MYOCD: variants seen among roughly 807,000 people sequenced by gnomAD.
MYOCD encodes the protein myocardin.
A neutral mutation model predicts 96.1 loss-of-function variants in MYOCD; 32 were observed. The observed-to-expected ratio is 0.33, with a 90% CI of 0.25 to 0.45. The LOEUF (loss-of-function observed/expected upper bound fraction) is 0.45. Ranked by LOEUF, MYOCD falls within the 20% of genes least tolerant of loss-of-function variation. MYOCD has a pLI of 1.00. For synonymous variants in MYOCD, 469 were observed against 469.0 expected, an observed-to-expected ratio of 1.00 and a Z score of 0.00; for missense variants, 1,133 against 1,200.6, an observed-to-expected ratio of 0.94 and a Z score of 0.83.
intron 1 of MYOCD, among the ~76,000 whole-genome samples, chr17:12,691,947 C>T (rs1169257907): frequency 6.6e-6 from 1 of 152,194 alleles, no homozygotes; most frequent in Non-Finnish European, 1.5e-5. Flanking sequence ...GTCCCCAAGA[C>T]TGGCACTTTT....
chr17:12,702,899 G>C (rs1374144894), intron 1 of MYOCD, among the ~76,000 whole-genome samples: 1 of 151,814 alleles, frequency 6.6e-6, no homozygotes, highest in East Asian at 1.9e-4. Flanking sequence ...TTATAAAGTT[G>C]TATATGTTTA....
Position 12,705,114 on chromosome 17 carries a change from C to T in MYOCD, c.56-14C>T, listed in dbSNP as rs2031236225. 1.3e-6 allele frequency: 2 copies of T among 1,598,446 alleles called. No homozygotes were observed. The highest frequency in any genetic ancestry group is 1.3e-5 in the African/African-American group (1 of 74,518). On this transcript the variant is annotated splice_polypyrimidine_tract_variant and intron_variant, in intron 1 of 13. Transcript: ENST00000425538. ...ATTTAGCCCAACTCACAAACTAACA[C>T]TCCCTTTTCTAAGTTTTACAGTTAA...
intron 9 of MYOCD, among the ~76,000 whole-genome samples, chr17:12,751,960 C>T (rs971695350): frequency 1.4e-4 from 21 of 152,146 alleles, no homozygotes; most frequent in Non-Finnish European, 1.9e-4. Flanking sequence ...GTGGTTCTGG[C>T]GCATGTTCAG....
At chr17:12,679,021 C>G (rs1233684558) in intron 1 of MYOCD, among the ~76,000 whole-genome samples, 1 of 152,056 alleles carries the variant, frequency 6.6e-6, no homozygotes, top group Non-Finnish European at 1.5e-5. Context: ...GAAATTGGCT[C>G]AAGGTCACCC....
chr17:12,692,927 G>C (rs1479646262), intron 1 of MYOCD, among the ~76,000 whole-genome samples: 1 of 152,112 alleles, frequency 6.6e-6, no homozygotes, highest in African/African-American at 2.4e-5. Context: ...GCATTAGTGA[G>C]TTTATCACTT....
chr17:12,692,302 C>T (rs1463038952), intron 1 of MYOCD, among the ~76,000 whole-genome samples: 4 of 152,304 alleles, frequency 2.6e-5, no homozygotes, highest in African/African-American at 9.6e-5. Context: ...TAGATTCTGC[C>T]ATCCAGAAAA....
intron 9 of MYOCD, among the ~76,000 whole-genome samples, chr17:12,751,593 CA>C (rs1426304081): frequency 2.0e-5 from 3 of 152,110 alleles, no homozygotes; most frequent in Non-Finnish European, 4.4e-5. Context: ...AACAATTTGC[CA>C]GGCACTATTC....
At position 12,766,830 on chromosome 17, in the gene MYOCD, T is replaced by A. The variant is rs1350809129; in HGVS notation, c.*3186T>A. On this transcript the variant is annotated 3_prime_UTR_variant, in exon 14 of 14. Coordinates refer to ENST00000425538, the MANE Select transcript of MYOCD (RefSeq NM_001146312.3). The stretch of plus-strand genomic sequence containing the variant: ...CTGCTGCAGTCTGGTAGATTCATAC[T>A]TATCTAAAGAAGTCAAAAAATTTAT... 2.0e-5 allele frequency: 3 copies of A among 151,870 alleles called. No individual in the cohort carries two copies. Among genetic ancestry groups the A allele is most frequent in the South Asian group, 2.1e-4 (1 of 4,834 alleles). 9.4% of individuals were successfully genotyped at this position (151,870 alleles called of 1,614,324 possible).
intron 1 of MYOCD, among the ~76,000 whole-genome samples, chr17:12,688,510 A>C (rs568861692): frequency 2.2e-3 from 165 of 75,764 alleles, no homozygotes; most frequent in Admixed American, 3.0e-3. Flanking sequence ...TTTTCCTTCC[A>C]TCTCCTCCCT....
rs1215023705 is a variant in MYOCD, at chr17:12,768,797, CTT to C, written c.*5155_*5156del. On this transcript the variant is annotated 3_prime_UTR_variant, in exon 14 of 14. Transcript: ENST00000425538. Reference sequence around the variant, plus strand: ...TGGAGTGGTGTTTTCACGTTGGTCTCTTTGGCTCAATTGAGCATAATCAGAAA... The same window carrying C: ...TGGAGTGGTGTTTTCACGTTGGTCTCTGGCTCAATTGAGCATAATCAGAAA... 1 of 151,174 alleles carries C rather than the reference CTT, an allele frequency of 6.6e-6. No individual in the cohort carries two copies. Among genetic ancestry groups the C allele is most frequent in the East Asian group, 2.0e-4 (1 of 5,118 alleles). The allele number at this position is 151,174 out of a possible 1,614,324, so 9.4% of individuals were successfully genotyped here. A position where few individuals can be genotyped will look rare whatever the true frequency, so the allele number is the denominator to read the frequency against.
At chr17:12,681,730 T>G (rs1221899733) in intron 1 of MYOCD, among the ~76,000 whole-genome samples, 2 of 152,124 alleles carry the variant, frequency 1.3e-5, no homozygotes, top group Admixed American at 6.6e-5. Context: ...AGTGCTCTCC[T>G]GTAAGAGTCA....
chr17:12,680,168 T>C (rs546990145), intron 1 of MYOCD, among the ~76,000 whole-genome samples: 3 of 152,116 alleles, frequency 2.0e-5, no homozygotes, highest in Non-Finnish European at 4.4e-5. Context: ...TAGAAGAACT[T>C]CTTTGCCTCA....
chr17:12,728,668 G>T (rs565147449), intron 5 of MYOCD, among the ~76,000 whole-genome samples: 48 of 152,158 alleles, frequency 3.2e-4, no homozygotes, highest in African/African-American at 1.1e-3. Flanking sequence ...TAGTAGAGAT[G>T]GGGTTTCTCC....
At position 12,703,161 on chromosome 17, in the gene MYOCD, CT is replaced by C. The variant is rs1201485838; in HGVS notation, c.56-1962del. On this transcript the variant is annotated intron_variant, in intron 1 of 13. Transcript: ENST00000425538. ...GGGGGCGGGGTGTTTATCTGTTTCT[CT>C]TTTTGTTTTTTATTTTCTAGCTTTC... Among the ~76,000 whole-genome samples the C allele has an allele frequency of 3.3e-5, 5 of 151,926 alleles. No individual in the cohort carries two copies. The East Asian group carries it at 9.7e-4, about 29-fold the overall frequency.
intron 1 of MYOCD, among the ~76,000 whole-genome samples, chr17:12,686,600 A>G (rs946930668): frequency 1.3e-5 from 2 of 152,230 alleles, no homozygotes; most frequent in Non-Finnish European, 2.9e-5. Context: ...GGCTTATCGT[A>G]TCTGCAAAAC....
intron 9 of MYOCD, among the ~76,000 whole-genome samples, chr17:12,747,583 T>C (rs1287476837): frequency 6.6e-6 from 1 of 150,862 alleles, no homozygotes; most frequent in Admixed American, 6.6e-5. Context: ...GTGAATGAGA[T>C]TGACAAAGAA....
intron 5 of MYOCD, among the ~76,000 whole-genome samples, chr17:12,723,782 G>A (rs1229387005): frequency 2.6e-5 from 4 of 152,116 alleles, no homozygotes; most frequent in East Asian, 3.8e-4. Context: ...GCCGCAATCC[G>A]CTCTGAGAAC....
chr17:12,668,828 A>C (rs1331142307), intron 1 of MYOCD, among the ~76,000 whole-genome samples: 1 of 152,110 alleles, frequency 6.6e-6, no homozygotes, highest in African/African-American at 2.4e-5. Context: ...AGAACTTCGA[A>C]AATGCCCAGG....
chr17:12,683,462 C>T (rs781061433), intron 1 of MYOCD, among the ~76,000 whole-genome samples: 4 of 152,214 alleles, frequency 2.6e-5, no homozygotes, highest in East Asian at 3.9e-4. Flanking sequence ...CTCGTGCGCG[C>T]GCGCTCTCTC....
Sources: allele counts gnomAD v4.1 joint callset (sites outside exome capture counted in the v4.1 genomes callset), GRCh38; gene constraint gnomAD v4.1.1; transcripts MANE v1.5; gene names NCBI Gene and HGNC (gene_info 2026-07-23, HGNC 2026-07-21).